The following EEFSEC variants were observed in gnomAD, a reference collection of about 807,000 sequenced individuals.
EEFSEC encodes eukaryotic elongation factor, selenocysteine-tRNA specific.
In EEFSEC, 43 loss-of-function variants were observed where a neutral mutation model predicts 42.1. The ratio of observed to expected loss-of-function variants is 1.02; its 90% CI spans 0.80 to 1.32. EEFSEC has a LOEUF of 1.32. Among genes scored for constraint, EEFSEC ranks in the 40% most tolerant of loss-of-function variants. EEFSEC has a pLI of 0.00. For synonymous variants in EEFSEC, 354 were observed against 339.1 expected (o/e 1.04, Z -0.48); for missense variants, 745 against 803.6 (o/e 0.93, Z 0.88).
chr3:128,211,668 A>C (rs1191269025), intron 1 of EEFSEC, among the ~76,000 whole-genome samples: 2 of 151,168 alleles, frequency 1.3e-5, no homozygotes, highest in African/African-American at 4.9e-5. Flanking sequence ...GGTGCATGCC[A>C]CTGTGCCCAG....
intron 1 of EEFSEC, among the ~76,000 whole-genome samples, chr3:128,239,369 T>G (rs913282988): frequency 2.0e-5 from 3 of 152,140 alleles, no homozygotes; most frequent in Non-Finnish European, 4.4e-5. Flanking sequence ...ATTTAGTGAG[T>G]CTGGGGCATG....
intron 4 of EEFSEC, among the ~76,000 whole-genome samples, chr3:128,323,451 T>C (rs538049941): frequency 6.6e-6 from 1 of 152,258 alleles, no homozygotes; most frequent in South Asian, 2.1e-4. Flanking sequence ...ACCTTTGTTA[T>C]TTGAAGTGCT....
chr3:128,302,980 T>TA (rs910446510), intron 4 of EEFSEC, among the ~76,000 whole-genome samples: 20 of 152,152 alleles, frequency 1.3e-4, no homozygotes, highest in South Asian at 2.1e-4. Flanking sequence ...TGTTGCCTTT[T>TA]AAAAAAAATT....
chr3:128,368,798 C>T (rs2067620678), intron 6 of EEFSEC, among the ~76,000 whole-genome samples: 1 of 152,254 alleles, frequency 6.6e-6, no homozygotes, highest in Non-Finnish European at 1.5e-5. Context: ...AGTGGGCTGC[C>T]AGCCCCTTCC....
intron 1 of EEFSEC, among the ~76,000 whole-genome samples, chr3:128,230,484 C>A (rs1036500946): frequency 2.0e-5 from 3 of 152,184 alleles, no homozygotes; most frequent in Non-Finnish European, 4.4e-5. Flanking sequence ...GGGACAACTG[C>A]TCTCCACTTT....
chr3:128,291,831 T>C (rs2066647382), intron 4 of EEFSEC, among the ~76,000 whole-genome samples: 2 of 152,226 alleles, frequency 1.3e-5, no homozygotes, highest in Admixed American at 1.3e-4. Flanking sequence ...TCAACATAAG[T>C]GGTGAGAACA....
At chr3:128,405,594 A>G (rs914416392) in intron 6 of EEFSEC, among the ~76,000 whole-genome samples, 2 of 152,234 alleles carry the variant, frequency 1.3e-5, no homozygotes, top group African/African-American at 2.4e-5. Flanking sequence ...TAACCCACAC[A>G]GCCCCGCCAG....
chr3:128,269,203 C>A (rs1203500544), intron 4 of EEFSEC, among the ~76,000 whole-genome samples: 1 of 152,256 alleles, frequency 6.6e-6, no homozygotes, highest in African/African-American at 2.4e-5. Flanking sequence ...AGTCATTCAT[C>A]CAGCTCCAAA....
Position 128,235,941 on chromosome 3 carries a change from GGTTTGTTT to G in EEFSEC, c.317-10862_317-10855del, listed in dbSNP as rs66797888. Among the ~76,000 whole-genome samples, 423 of 149,192 alleles carry G rather than the reference GGTTTGTTT, an allele frequency of 2.8e-3. 2 individuals are homozygous for G. The highest frequency in any genetic ancestry group is 6.9e-3 in the Middle Eastern group (2 of 290). On this transcript the variant is annotated intron_variant, in intron 1 of 6. Coordinates refer to ENST00000254730, the MANE Select transcript of EEFSEC (RefSeq NM_021937.5). ...TGTCTCCCCTGTGTGGATGGGCAAA[GGTTTGTTT>G]GTTTGTTTGTTTGTTTGTTTGTTTG...
rs942710229 is a variant in EEFSEC, at chr3:128,321,848, C to A, written c.787-19385C>A. ...GGCCCTGTCACCACAAGTGGTGAGG[C>A]TGACCTGAGGAGCAGCCTCTGTGAG... is the stretch of plus-strand genomic sequence containing the variant. On this transcript the variant is annotated intron_variant, in intron 4 of 6. Coordinates refer to ENST00000254730, the MANE Select transcript of EEFSEC (RefSeq NM_021937.5). Among the ~76,000 whole-genome samples, 14 of 152,132 alleles carry A rather than the reference C, an allele frequency of 9.2e-5. No individual in the cohort carries two copies. The South Asian group carries it at 1.0e-3, about 11-fold the overall frequency.
chr3:128,279,142 A>ACGG (rs112465279), intron 4 of EEFSEC, among the ~76,000 whole-genome samples: 7 of 152,294 alleles, frequency 4.6e-5, no homozygotes, highest in South Asian at 2.1e-4. Flanking sequence ...TGTGAACCAT[A>ACGG]CGGCGGCGGC....
chr3:128,199,003 T>C (rs2065616528), intron 1 of EEFSEC, among the ~76,000 whole-genome samples: 1 of 152,162 alleles, frequency 6.6e-6, no homozygotes, highest in Admixed American at 6.5e-5. Context: ...AGCTAATTTT[T>C]GTATTTTTAG....
intron 1 of EEFSEC, among the ~76,000 whole-genome samples, chr3:128,216,375 T>C (rs1416002182): frequency 6.6e-6 from 1 of 152,100 alleles, no homozygotes; most frequent in African/African-American, 2.4e-5. Flanking sequence ...TTAGGCTTGA[T>C]TGGTTGTAGA....
At chr3:128,306,294 A>C (rs532454043) in intron 4 of EEFSEC, among the ~76,000 whole-genome samples, 2 of 152,332 alleles carry the variant, frequency 1.3e-5, no homozygotes, top group Non-Finnish European at 2.9e-5. Context: ...CAAACTAATC[A>C]CTTATTTTAT....
At chr3:128,250,911 GTTTTT>G (rs35594175) in intron 2 of EEFSEC, among the ~76,000 whole-genome samples, 1 of 108,596 alleles carries the variant, frequency 9.2e-6, no homozygotes, top group Non-Finnish European at 1.8e-5. Flanking sequence ...GTTTTTTTTG[GTTTTT>G]TTTTTTTTTT....
intron 6 of EEFSEC, among the ~76,000 whole-genome samples, chr3:128,359,454 C>T (rs1470963572): frequency 6.6e-6 from 1 of 152,114 alleles, no homozygotes; most frequent in East Asian, 1.9e-4. Context: ...AATCAAGGCT[C>T]ACTAAAGCCT....
intron 6 of EEFSEC, among the ~76,000 whole-genome samples, chr3:128,374,351 A>G (rs1053689000): frequency 1.3e-5 from 2 of 152,108 alleles, no homozygotes; most frequent in African/African-American, 2.4e-5. Context: ...TTACCTCACC[A>G]TCTCCTACTG....
At position 128,361,362 on chromosome 3, in the gene EEFSEC, A is replaced by G. The variant is rs181640447; in HGVS notation, c.1600+2989A>G. ...CCAACTCTTCACTATATGGGAACGT[A>G]GGCCTGGGGTCTCATTTTATCTAAT... On this transcript the variant is annotated intron_variant, in intron 6 of 6. Coordinates refer to ENST00000254730, the MANE Select transcript of EEFSEC (RefSeq NM_021937.5). Among the ~76,000 whole-genome samples, 152 of 152,292 alleles carry G rather than the reference A, an allele frequency of 1.0e-3. 2 individuals are homozygous for G. Among genetic ancestry groups the G allele is most frequent in the Middle Eastern group, 3.4e-3 (1 of 294 alleles).
intron 4 of EEFSEC, among the ~76,000 whole-genome samples, chr3:128,294,303 C>G (rs979653731): frequency 6.6e-6 from 1 of 152,118 alleles, no homozygotes; most frequent in African/African-American, 2.4e-5. Context: ...GTTTGCTGAC[C>G]CTGTTAGGGG....
Sources: allele counts gnomAD v4.1 joint callset (sites outside exome capture counted in the v4.1 genomes callset), GRCh38; gene constraint gnomAD v4.1.1; transcripts MANE v1.5; gene names NCBI Gene and HGNC (gene_info 2026-07-23, HGNC 2026-07-21).